The following DIPK1A variants were observed in gnomAD, a reference collection of about 807,000 sequenced individuals.
The protein encoded by DIPK1A is divergent protein kinase domain 1A, also known as family with sequence similarity 69 member A.
In DIPK1A, 27 loss-of-function variants were observed where a neutral mutation model predicts 40.8. That is an observed-to-expected ratio of 0.66 (90% CI 0.49 to 0.91). DIPK1A has a LOEUF of 0.91. Ranked by LOEUF, DIPK1A falls within the 40% of genes least tolerant of loss-of-function variation. The probability of loss-of-function intolerance (pLI) is 0.00; values close to 1 mark genes in which losing one functional copy is unlikely to be tolerated. For missense variants in DIPK1A, 412 were observed against 505.7 expected, an observed-to-expected ratio of 0.81 and a Z score of 1.78; for synonymous variants, 166 against 171.3, an observed-to-expected ratio of 0.97 and a Z score of 0.24.
At chr1:92,953,786 G>A (rs1380359346) in intron 1 of DIPK1A, among the ~76,000 whole-genome samples, 1 of 152,188 alleles carries the variant, frequency 6.6e-6, no homozygotes, top group East Asian at 1.9e-4. Flanking sequence ...TTTGCAGGAT[G>A]AAGAAGTTCT....
chr1:92,908,375 T>C (rs1384110976), intron 1 of DIPK1A, among the ~76,000 whole-genome samples: 1 of 152,112 alleles, frequency 6.6e-6, no homozygotes, highest in Non-Finnish European at 1.5e-5. Flanking sequence ...AAAGAGAGCA[T>C]GGAAGATCAG....
intron 1 of DIPK1A, among the ~76,000 whole-genome samples, chr1:92,892,615 C>T (rs949839546): frequency 6.6e-6 from 1 of 152,120 alleles, no homozygotes; most frequent in East Asian, 1.9e-4. Context: ...CAAAGGAATG[C>T]AGCTCCTCAC....
intron 1 of DIPK1A, among the ~76,000 whole-genome samples, chr1:92,939,839 C>T (rs1651083660): frequency 6.6e-6 from 1 of 151,958 alleles, no homozygotes; most frequent in South Asian, 2.1e-4. Flanking sequence ...GTAATCCCAG[C>T]TACTGAGGAG....
chr1:92,893,078 G>A (rs1648974727), intron 1 of DIPK1A, among the ~76,000 whole-genome samples: 1 of 152,088 alleles, frequency 6.6e-6, no homozygotes, highest in African/African-American at 2.4e-5. Context: ...AAAACACTCT[G>A]CAGGATATTA....
At chr1:92,845,093 T>C (rs564361917) in intron 4 of DIPK1A, among the ~76,000 whole-genome samples, 22 of 151,476 alleles carry the variant, frequency 1.5e-4, no homozygotes, top group Non-Finnish European at 2.2e-4. Context: ...TACAGGCGCC[T>C]GCCACCACGC....
chr1:92,931,121 T>C (rs911575548), intron 1 of DIPK1A: 3 of 152,166 alleles, frequency 2.0e-5, no homozygotes, highest in African/African-American at 7.2e-5. Context: ...ATAGATTTAT[T>C]ATTTAGAGCA....
intron 1 of DIPK1A, among the ~76,000 whole-genome samples, chr1:92,917,267 T>C (rs1360465417): frequency 6.6e-6 from 1 of 152,222 alleles, no homozygotes; most frequent in Admixed American, 6.5e-5. Flanking sequence ...TTTGAATTAT[T>C]TCCTTAAGTT....
chr1:92,899,419 C>T (rs920386756), intron 1 of DIPK1A, among the ~76,000 whole-genome samples: 2 of 152,196 alleles, frequency 1.3e-5, no homozygotes, highest in African/African-American at 2.4e-5. Context: ...CATCCCTTCA[C>T]TTTCAGTCTA....
intron 2 of DIPK1A, among the ~76,000 whole-genome samples, chr1:92,875,610 G>C (rs1648081240): frequency 6.6e-6 from 1 of 151,746 alleles, no homozygotes; most frequent in African/African-American, 2.4e-5. Context: ...CCAGCTACTT[G>C]GGAGGTTGAG....
At chr1:92,836,456 G>C (rs1687131984) in intron 4 of DIPK1A, 2 of 1,436,346 alleles carry the variant, frequency 1.4e-6, no homozygotes, top group African/African-American at 2.8e-5. Flanking sequence ...TAACTAGTTG[G>C]ACTGTGGAGA....
In DIPK1A at chr1:92,847,341, C is replaced by T. The variant is rs1188515345; in HGVS notation, c.316G>A (p.Asp106Asn). The change falls in exon 4 of 5, where the codon GAT (aspartate) becomes AAT (asparagine). Residue 106 changes from aspartate to asparagine, a missense_variant. By Grantham distance (23) the Asp-to-Asn change is conservative. Coordinates refer to ENST00000370310, the MANE Select transcript of DIPK1A (RefSeq NM_001006605.5). ...PNNQMYLGIW[D>N]NLPGVVKCQM... ...CATTTCACAACACCTGGTAGATTAT[C>T]CCAAATCCCTAAATACATCTATGTA... 3 of 1,606,662 alleles carry T rather than the reference C, an allele frequency of 1.9e-6. No individual in the cohort carries two copies. Among genetic ancestry groups the T allele is most frequent in the Admixed American group, 1.7e-5 (1 of 59,086 alleles).
At chr1:92,944,468 A>C (rs534583613) in intron 1 of DIPK1A, among the ~76,000 whole-genome samples, 81 of 152,350 alleles carry the variant, frequency 5.3e-4, no homozygotes, top group African/African-American at 1.8e-3. Context: ...AAAACAGGTC[A>C]CCCACAAAGG....
At chr1:92,946,256 T>G (rs769134153) in intron 1 of DIPK1A, among the ~76,000 whole-genome samples, 6 of 152,164 alleles carry the variant, frequency 3.9e-5, no homozygotes, top group Non-Finnish European at 8.8e-5. Flanking sequence ...CAAGTCATAA[T>G]AATATAATAT....
At chr1:92,952,538 G>A (rs1179713039) in intron 1 of DIPK1A, among the ~76,000 whole-genome samples, 7 of 152,094 alleles carry the variant, frequency 4.6e-5, no homozygotes, top group African/African-American at 1.7e-4. Flanking sequence ...GAGATCGCTT[G>A]AGCCAGGAAG....
At chr1:92,915,628 G>C (rs562564424) in intron 1 of DIPK1A, among the ~76,000 whole-genome samples, 3 of 152,204 alleles carry the variant, frequency 2.0e-5, no homozygotes, top group Admixed American at 1.3e-4. Context: ...AACTGGAAGG[G>C]GATGTCAAAA....
chr1:92,945,311 A>C (rs1651318410), intron 1 of DIPK1A, among the ~76,000 whole-genome samples: 1 of 152,188 alleles, frequency 6.6e-6, no homozygotes, highest in Admixed American at 6.5e-5. Context: ...GGAAGGAAAA[A>C]AGACAAATAG....
rs143671576 is a variant in DIPK1A, at chr1:92,875,175, A to G, written c.189+1121T>C. On this transcript the variant is annotated intron_variant, in intron 2 of 4. Transcript: ENST00000370310. ...CTCCAGGTTTCCGTCTTATGTTCCC[A>G]TAACAGTTGCTATCTTATTTATCTT... Among the ~76,000 whole-genome samples, 276 of 152,256 alleles carry G rather than the reference A, an allele frequency of 1.8e-3. 1 individual carries two copies. Among genetic ancestry groups the G allele is most frequent in the African/African-American group, 6.4e-3 (267 of 41,534 alleles).
intron 1 of DIPK1A, among the ~76,000 whole-genome samples, chr1:92,892,090 A>G (rs1648914757): frequency 1.3e-5 from 2 of 152,110 alleles, no homozygotes; most frequent in Non-Finnish European, 2.9e-5. Flanking sequence ...GGCAGGGCAT[A>G]GCCAAACAAA....
intron 2 of DIPK1A, among the ~76,000 whole-genome samples, chr1:92,859,340 T>C (rs899434594): frequency 1.3e-5 from 2 of 152,150 alleles, no homozygotes; most frequent in Admixed American, 1.3e-4. Flanking sequence ...TTTCTAGACT[T>C]GCACTTCATG....
Sources: allele counts gnomAD v4.1 joint callset (sites outside exome capture counted in the v4.1 genomes callset), GRCh38; gene constraint gnomAD v4.1.1; transcripts MANE v1.5; gene names NCBI Gene and HGNC (gene_info 2026-07-23, HGNC 2026-07-21).